Variants in TMC1 observed in about 807,000 individuals in gnomAD.
The protein encoded by TMC1 is transmembrane channel like 1, also known as transmembrane channel-like protein 1.
A neutral mutation model predicts 105.8 loss-of-function variants in TMC1; 84 were observed. That is an observed-to-expected ratio of 0.79 (90% confidence interval 0.67 to 0.95). TMC1 has a LOEUF of 0.95. Ranked by LOEUF, TMC1 falls within the 40% of genes least tolerant of loss-of-function variation. The pLI is 0.00. For missense variants in TMC1, 817 were observed against 914.1 expected, an observed-to-expected ratio of 0.89 and a Z score of 1.37; for synonymous variants, 315 against 311.5, an observed-to-expected ratio of 1.01 and a Z score of -0.12.
chr9:72,751,726 A>C, intron 10 of TMC1, 124 bp from the exon 11 acceptor site: 2 of 713,604 alleles, frequency 2.8e-6, no homozygotes, highest in Non-Finnish European at 5.0e-6. Context: ...TATAGCCTAT[A>C]AATATAAAAA....
At chr9:72,777,567 C>A (rs569314223) in intron 13 of TMC1, among the ~76,000 whole-genome samples, 2 of 152,260 alleles carry the variant, frequency 1.3e-5, no homozygotes, top group Admixed American at 1.3e-4. Flanking sequence ...CTATAGTTGA[C>A]CTTATTTCAA....
chr9:72,698,846 G>A (rs1826595349), intron 7 of TMC1, among the ~76,000 whole-genome samples: 1 of 152,106 alleles, frequency 6.6e-6, no homozygotes, highest in South Asian at 2.1e-4. Context: ...TGGTAATATT[G>A]GTGATAAGGA....
intron 5 of TMC1, chr9:72,655,829 G>C: frequency 1.5e-6 from 1 of 684,400 alleles, no homozygotes; most frequent in Non-Finnish European, 2.6e-6. Context: ...TAAAATAGTT[G>C]ACTTATACGT....
intron 8 of TMC1, among the ~76,000 whole-genome samples, chr9:72,734,572 C>A: frequency 6.6e-6 from 1 of 151,890 alleles, no homozygotes; most frequent in East Asian, 1.9e-4. Context: ...TATTTTTAAT[C>A]TTTGTACCTT....
intron 4 of TMC1, among the ~76,000 whole-genome samples, chr9:72,639,997 C>T (rs540621154): frequency 2.3e-4 from 35 of 152,210 alleles, no homozygotes; most frequent in Middle Eastern, 3.4e-3. Flanking sequence ...AAGCATCATG[C>T]GACCAATATG....
intron 8 of TMC1, among the ~76,000 whole-genome samples, chr9:72,701,535 ATAG>A (rs1363660556): frequency 6.6e-6 from 1 of 152,216 alleles, no homozygotes; most frequent in Non-Finnish European, 1.5e-5. Context: ...ATTTTTATAA[ATAG>A]TAGTAAGTTT....
At chr9:72,805,615 G>A (rs890194101) in intron 18 of TMC1, 105 bp downstream of exon 18, 37 of 1,048,024 alleles carry the variant, frequency 3.5e-5, no homozygotes, top group Admixed American at 7.7e-5. Context: ...AGGGTCATAG[G>A]ACAATAGTGG....
chr9:72,756,973 G>T (rs1827684988), intron 12 of TMC1, among the ~76,000 whole-genome samples: 1 of 152,122 alleles, frequency 6.6e-6, no homozygotes, highest in African/African-American at 2.4e-5. Flanking sequence ...TTGTATCACT[G>T]CCCTTGACAG....
At chr9:72,726,562 T>G (rs1374280017) in intron 8 of TMC1, among the ~76,000 whole-genome samples, 3 of 152,192 alleles carry the variant, frequency 2.0e-5, no homozygotes, top group African/African-American at 7.2e-5. Flanking sequence ...CCCCAATTGC[T>G]TAGGACAGTC....
Position 72,700,411 on chromosome 9 carries a change from G to A in TMC1, c.237-107G>A, listed in dbSNP as rs989502769. 1.8e-5 allele frequency: 16 copies of A among 880,536 alleles called. No individual in the cohort carries two copies. In the Admixed American group the frequency reaches 2.9e-4, roughly 16 times the overall value. The allele number at this position is 880,536 out of a possible 1,614,324, so 54.5% of individuals were successfully genotyped here. On this transcript the variant is annotated intron_variant, in intron 7 of 23. Transcript: ENST00000297784. ...ATGGGTCCTAATGTTGACTGCATAT[G>A]GTTACATTTAAAAAAAATGAGCTAA... is the stretch of plus-strand genomic sequence containing the variant.
chr9:72,706,744 G>A (rs1282415423), intron 8 of TMC1, among the ~76,000 whole-genome samples: 1 of 151,556 alleles, frequency 6.6e-6, no homozygotes, highest in Non-Finnish European at 1.5e-5. Context: ...TGCTGTGAAT[G>A]CCAATATTTC....
chr9:72,821,081 G>A lies in TMC1; in HGVS notation c.2003G>A (p.Ser668Asn). Reference protein sequence around the residue: ...LPPSFDCGPFSGKNRMFEVIG... With the variant: ...LPPSFDCGPFNGKNRMFEVIG... The stretch of plus-strand genomic sequence containing the variant: ...CCATCTTTTGATTGTGGTCCATTCA[G>A]GTCTCTTGCTTTTGAAATTTGACTC... Residue 668 changes from serine to asparagine, a missense_variant and splice_region_variant, in exon 20 of 24, where the codon AGT becomes AAT. By Grantham distance (46) the Ser-to-Asn change is conservative. Transcript: ENST00000297784. 6.2e-7 allele frequency: 1 copy of A among 1,614,090 alleles called. No individual in the cohort carries two copies. Among genetic ancestry groups the A allele is most frequent in the Non-Finnish European group, 8.5e-7 (1 of 1,180,012 alleles).
chr9:72,705,112 G>C (rs942314949), intron 8 of TMC1, among the ~76,000 whole-genome samples: 1 of 152,090 alleles, frequency 6.6e-6, no homozygotes, highest in Non-Finnish European at 1.5e-5. Flanking sequence ...TGTATGACTA[G>C]ATCTTTCCTA....
intron 4 of TMC1, among the ~76,000 whole-genome samples, chr9:72,635,452 A>C (rs966427142): frequency 1.3e-5 from 2 of 152,036 alleles, no homozygotes; most frequent in African/African-American, 4.8e-5. Context: ...TCATTAACAC[A>C]AACTCTGGTG....
chr9:72,650,103 G>GA (rs1295398569), intron 5 of TMC1, among the ~76,000 whole-genome samples: 1 of 152,142 alleles, frequency 6.6e-6, no homozygotes, highest in Non-Finnish European at 1.5e-5. Flanking sequence ...AAACTTTAGA[G>GA]AAAATGTACT....
intron 7 of TMC1, among the ~76,000 whole-genome samples, chr9:72,695,706 T>C (rs1826538783): frequency 6.6e-6 from 1 of 152,138 alleles, no homozygotes; most frequent in Admixed American, 6.5e-5. Context: ...AACAACTGAA[T>C]GAAAAATTTG....
chr9:72,664,970 G>T (rs1040565438), intron 5 of TMC1, among the ~76,000 whole-genome samples: 1 of 152,086 alleles, frequency 6.6e-6, no homozygotes, highest in Non-Finnish European at 1.5e-5. Flanking sequence ...AAAAGTGCTC[G>T]CCCTGGCTCC....
intron 1 of TMC1, among the ~76,000 whole-genome samples, chr9:72,532,586 A>G (rs1363988033): frequency 7.5e-6 from 1 of 133,038 alleles, no homozygotes; most frequent in Admixed American, 8.4e-5. Flanking sequence ...AAAAAAAAAA[A>G]ACTTTACCGG....
chr9:72,536,738 CTT>C (rs1823592078), intron 1 of TMC1, among the ~76,000 whole-genome samples: 1 of 152,202 alleles, frequency 6.6e-6, no homozygotes, highest in Admixed American at 6.5e-5. Context: ...CAGCCCCACT[CTT>C]TGGCTTTGCT....
Sources: allele counts gnomAD v4.1 joint callset (sites outside exome capture counted in the v4.1 genomes callset), GRCh38; gene constraint gnomAD v4.1.1; transcripts MANE v1.5; gene names NCBI Gene and HGNC (gene_info 2026-07-23, HGNC 2026-07-21).